The following LAMB4 variants were observed in gnomAD, a reference collection of about 807,000 sequenced individuals.
The protein encoded by LAMB4 is laminin subunit beta-4.
In LAMB4, 196 loss-of-function variants were observed where a neutral mutation model predicts 199.2. That is an observed-to-expected ratio of 0.98 (90% CI 0.88 to 1.11). The LOEUF (loss-of-function observed/expected upper bound fraction) is 1.11, where lower values mean the gene tolerates loss of function less well. LAMB4 is among the 50% of genes least tolerant of loss of function. The pLI, the probability that LAMB4 is intolerant of heterozygous loss-of-function variation, is 0.00. For missense variants in LAMB4, 2,080 were observed against 2,171.2 expected (o/e 0.96, Z 0.83); for synonymous variants, 744 against 770.6 (o/e 0.97, Z 0.57).
At chr7:108,126,461 G>A (rs2038781921) in intron 1 of LAMB4, among the ~76,000 whole-genome samples, 2 of 151,374 alleles carry the variant, frequency 1.3e-5, no homozygotes, top group Admixed American at 1.3e-4. Context: ...ATGTAGAATC[G>A]CACAATATTT....
chr7:108,111,987 AT>A (rs1250105951), intron 3 of LAMB4, 41 bp from the exon 4 acceptor site: 1 of 1,533,190 alleles, frequency 6.5e-7, no homozygotes, highest in South Asian at 1.2e-5. Context: ...AAAAATTGGA[AT>A]TACATATTGT....
chr7:108,126,177 T>C (rs1053788496), intron 1 of LAMB4, among the ~76,000 whole-genome samples: 10 of 152,244 alleles, frequency 6.6e-5, no homozygotes, highest in African/African-American at 2.4e-4. Context: ...CTTGAGAAGA[T>C]ATTTTTAATG....
intron 12 of LAMB4, among the ~76,000 whole-genome samples, chr7:108,092,724 T>C (rs1357922106): frequency 1.3e-5 from 2 of 152,142 alleles, no homozygotes; most frequent in African/African-American, 4.8e-5. Context: ...TGGCCAACCA[T>C]GGTGAAACCC....
chr7:108,059,786 G>A (rs949089044), intron 23 of LAMB4, among the ~76,000 whole-genome samples: 9 of 152,104 alleles, frequency 5.9e-5, no homozygotes, highest in South Asian at 2.1e-4. Flanking sequence ...CTCCCACCCC[G>A]TATTTATGCA....
At position 108,123,899 on chromosome 7, in the gene LAMB4, T is replaced by C. The variant is rs7776737; in HGVS notation, c.-33-702A>G. Among the ~76,000 whole-genome samples the C allele has an allele frequency of 8.0e-3, 1,211 of 152,314 alleles. 12 individuals carry two copies. Among genetic ancestry groups the C allele is most frequent in the African/African-American group, 0.027 (1,138 of 41,566 alleles). On this transcript the variant is annotated intron_variant, in intron 1 of 33. Coordinates refer to ENST00000388781, the MANE Select transcript of LAMB4 (RefSeq NM_007356.3). ...TCTTTGTAGATTTGGCCATGGCCCT[T>C]GAGAGAGAGGCTTCCCTCCATCCCC... is the stretch of plus-strand genomic sequence containing the variant.
At chr7:108,102,402 A>T (rs562170931) in intron 10 of LAMB4, among the ~76,000 whole-genome samples, 2 of 152,298 alleles carry the variant, frequency 1.3e-5, no homozygotes, top group South Asian at 4.1e-4. Flanking sequence ...GAGTGAAAAA[A>T]ATCATGATAA....
chr7:108,037,438 A>T lies in LAMB4; in HGVS notation c.4629T>A (p.Asn1543Lys). The T allele has an allele frequency of 1.9e-6, 3 of 1,614,130 alleles. No individual in the cohort carries two copies. The highest frequency in any genetic ancestry group is 2.5e-6 in the Non-Finnish European group (3 of 1,180,018). Residue 1543 changes from asparagine to lysine, a missense_variant, in exon 30 of 34, where the codon AAT becomes AAA. By Grantham distance (94) the Asn-to-Lys change is moderately conservative. Coordinates refer to ENST00000388781, the MANE Select transcript of LAMB4 (RefSeq NM_007356.3). ...GCTTTTGGGCTCCATCTGCTTCTTC[A>T]TTTAACCTGTTTTCATCTGTCCTGT... is the stretch of plus-strand genomic sequence containing the variant. The part of the protein sequence containing the change: ...EDYRTDENRL[N>K]EEADGAQKLL...
At position 108,062,944 on chromosome 7, in the gene LAMB4, C is replaced by A. The variant is rs150491201; in HGVS notation, c.3112G>T (p.Gly1038Trp). The A allele has an allele frequency of 8.7e-6, 14 of 1,606,756 alleles. No homozygotes were observed. The African/African-American group carries it at 1.9e-4, about 22-fold the overall frequency. Residue 1038 changes from glycine to tryptophan, a missense_variant, in exon 23 of 34, where the codon GGG (glycine) becomes TGG (tryptophan). Gly to Trp is a radical substitution (Grantham distance 184, BLOSUM62 -2). Transcript: ENST00000388781. ...ACAGGGTCACAGAGGCAAGCTCCCC[C>A]ACCAGGGGGACACTCCATGGGACTC... is the stretch of plus-strand genomic sequence containing the variant. ...GVSPMECPPG[G>W]GACLCDPVTG... is the part of the protein sequence containing the mutation.
At chr7:108,062,184 C>T (rs1237734107) in intron 23 of LAMB4, among the ~76,000 whole-genome samples, 1 of 152,272 alleles carries the variant, frequency 6.6e-6, no homozygotes, top group East Asian at 1.9e-4. Flanking sequence ...TCTGTGCCCA[C>T]TGGTTTATTG....
In LAMB4 at chr7:108,028,665, C is replaced by T. The variant is rs183094886; in HGVS notation, c.5146+378G>A. 2.8e-3 allele frequency among the ~76,000 whole-genome samples: 426 copies of T among 151,904 alleles called. 3 individuals are homozygous for T. The highest frequency in any genetic ancestry group is 5.3e-3 in the Non-Finnish European group (359 of 67,942). On this transcript the variant is annotated intron_variant, in intron 33 of 33. Transcript: ENST00000388781. ...CTAATTTTTGTATTTTTAGTAGAAA[C>T]GGGGTTTCTCCATGTTGGCCAGAGT...
Position 108,126,719 on chromosome 7 carries a change from C to T in LAMB4, c.-33-3522G>A, listed in dbSNP as rs1277947426. Among the ~76,000 whole-genome samples, 5 of 148,906 alleles carry T rather than the reference C, an allele frequency of 3.4e-5. No homozygotes were observed. The South Asian group carries it at 6.3e-4, about 19-fold the overall frequency. Reference sequence around the variant, plus strand: ...AGCTGGGACTACAGGCGCCCGCCACCGCGCCCGACTAATTTTTTTTTTGTA... The same window carrying T: ...AGCTGGGACTACAGGCGCCCGCCACTGCGCCCGACTAATTTTTTTTTTGTA... On this transcript the variant is annotated intron_variant, in intron 1 of 33. Transcript: ENST00000388781.
chr7:108,057,651 T>A lies in LAMB4; in HGVS notation c.3379+181A>T, dbSNP rs1157016097. Among the ~76,000 whole-genome samples the A allele has an allele frequency of 2.6e-5, 4 of 152,310 alleles. No homozygotes were observed. In the East Asian group the frequency reaches 5.8e-4, roughly 22 times the overall value. On this transcript the variant is annotated intron_variant, in intron 24 of 33. Transcript: ENST00000388781. ...AATTTTTAACATAGGAGGAAAATAA[T>A]CTTTTTGCAGGGCTATAGGAAGATT...
At chr7:108,114,766 C>T (rs574715920) in intron 3 of LAMB4, among the ~76,000 whole-genome samples, 68 of 152,292 alleles carry the variant, frequency 4.5e-4, no homozygotes, top group African/African-American at 1.6e-3. Context: ...CACATCCTCT[C>T]ATTTATGGGG....
Position 108,030,920 on chromosome 7 carries a change from C to A in LAMB4, c.4878G>T (p.Gly1626=), listed in dbSNP as rs148769250. 5 of 1,614,062 alleles carry A rather than the reference C, an allele frequency of 3.1e-6. No homozygotes were observed. The highest frequency in any genetic ancestry group is 4.2e-6 in the Non-Finnish European group (5 of 1,179,998). The change falls in exon 32 of 34, where the codon GGG becomes GGT. Residue 1626 remains glycine, a synonymous_variant. Coordinates refer to ENST00000388781, the MANE Select transcript of LAMB4 (RefSeq NM_007356.3). ...GCAGCAGGGAAAGTCCATCCTCCAG[C>A]CCTGATCGCTGCTTTGCTAACTCCA... ...SELELAKQRS[G]LEDGLSLLQT...
chr7:108,122,295 G>A (rs10953559), intron 2 of LAMB4, among the ~76,000 whole-genome samples: 21,030 of 152,176 alleles, frequency 0.14, 4,698 homozygotes, highest in African/African-American at 0.47. Flanking sequence ...TAAAATAACT[G>A]TTTTTCTGAA....
chr7:108,072,607 C>T (rs1055699494), intron 17 of LAMB4, among the ~76,000 whole-genome samples: 15 of 152,210 alleles, frequency 9.9e-5, no homozygotes, highest in Non-Finnish European at 2.2e-4. Flanking sequence ...TGGGTCTGTG[C>T]CCTGTCACGG....
chr7:108,111,083 A>G (rs1373887124), intron 4 of LAMB4, among the ~76,000 whole-genome samples: 1 of 152,206 alleles, frequency 6.6e-6, no homozygotes, highest in Non-Finnish European at 1.5e-5. Context: ...GGAAAACTGA[A>G]GAGTTCCAGA....
intron 31 of LAMB4, among the ~76,000 whole-genome samples, chr7:108,032,249 G>A (rs915180187): frequency 1.2e-4 from 18 of 152,096 alleles, no homozygotes; most frequent in Admixed American, 1.1e-3. Context: ...AATTAGCTGG[G>A]CTTGGTGGTA....
chr7:108,094,109 G>A (rs913761478), intron 12 of LAMB4, among the ~76,000 whole-genome samples: 3 of 151,464 alleles, frequency 2.0e-5, no homozygotes, highest in Non-Finnish European at 4.4e-5. Context: ...GTTCCCCCAT[G>A]GGGGGGGTCC....
Sources: gnomAD v4.1 joint callset for allele counts (sites outside exome capture counted in the v4.1 genomes callset) on GRCh38, gnomAD v4.1.1 for gene constraint, MANE v1.5 for transcripts, NCBI Gene and HGNC (gene_info 2026-07-23, HGNC 2026-07-21) for gene names.